Variants in TAFA3 observed in about 807,000 individuals in gnomAD.
TAFA3 encodes chemokine-like protein TAFA-3.
Under a neutral mutation model 20.7 loss-of-function variants are expected in TAFA3, and 17 were observed. The observed-to-expected ratio is 0.82, with a 90% CI of 0.56 to 1.23. TAFA3 has a LOEUF of 1.23. Ranked by LOEUF, TAFA3 falls within the 50% of genes most tolerant of loss-of-function variation. The pLI is 0.00. For synonymous variants in TAFA3, 74 were observed against 71.8 expected (o/e 1.03, Z -0.16); for missense variants, 174 against 172.8 (o/e 1.01, Z -0.04).
At chr1:112,719,961 C>T (rs929532579) in intron 1 of TAFA3, among the ~76,000 whole-genome samples, 2 of 152,134 alleles carry the variant, frequency 1.3e-5, no homozygotes, top group African/African-American at 4.8e-5. Flanking sequence ...TTCAGTTCTG[C>T]CTCCCTTTAG....
intron 3 of TAFA3, 64 bp from the exon 4 acceptor site, chr1:112,722,952 C>G: frequency 1.5e-6 from 2 of 1,312,536 alleles, no homozygotes; most frequent in Non-Finnish European, 1.0e-6. Flanking sequence ...GAGGCCAGCC[C>G]GGGTGGGCGG....
intron 3 of TAFA3, 32 bp from the exon 4 acceptor site, chr1:112,722,984 T>C (rs751109840): frequency 1.9e-6 from 3 of 1,585,974 alleles, no homozygotes; most frequent in Non-Finnish European, 2.6e-6. Flanking sequence ...GTCGGGCGTG[T>C]TGGGCGTCTG....
chr1:112,721,660 TC>T (rs796627438), intron 2 of TAFA3, among the ~76,000 whole-genome samples: 27 of 152,254 alleles, frequency 1.8e-4, no homozygotes, highest in African/African-American at 6.5e-4. Context: ...TTGCTTTTTT[TC>T]CCCCTTAACA....
At chr1:112,724,175 C>A (rs200903393) in intron 5 of TAFA3, 38 bp downstream of exon 5, 3 of 1,522,842 alleles carry the variant, frequency 2.0e-6, no homozygotes, top group Admixed American at 2.0e-5. Flanking sequence ...CCTCCCCTTC[C>A]CTCTCTACCA....
In TAFA3 at chr1:112,726,893, C is replaced by A; in HGVS notation, c.*253C>A. 3.7e-6 allele frequency: 2 copies of A among 543,798 alleles called. No individual in the cohort carries two copies. Among genetic ancestry groups the A allele is most frequent in the South Asian group, 2.5e-5 (1 of 40,222 alleles). 33.7% of individuals were successfully genotyped at this position (543,798 alleles called of 1,614,324 possible). A position where few individuals can be genotyped will look rare whatever the true frequency, so the allele number is the denominator to read the frequency against. Reference sequence around the variant, plus strand: ...CACAATTCCTGCCCTTAAGGAATGTCCAGTTGAATTGGAGAGTTGATGACA... The same window carrying A: ...CACAATTCCTGCCCTTAAGGAATGTACAGTTGAATTGGAGAGTTGATGACA... On this transcript the variant is annotated 3_prime_UTR_variant, in exon 6 of 6. Transcript: ENST00000361886.
intron 5 of TAFA3, 34 bp from the exon 6 acceptor site, chr1:112,726,595 C>T (rs776828362): frequency 1.2e-6 from 2 of 1,612,284 alleles, no homozygotes; most frequent in Non-Finnish European, 1.7e-6. Flanking sequence ...TAGGCATTCC[C>T]TTCTCTAACC....
At position 112,726,669 on chromosome 1, in the gene TAFA3, A is replaced by G. The variant is rs1675479097; in HGVS notation, c.*29A>G. ...TTGGGGGTCACGGCCTGGACAAGAA[A>G]GGCTTGACTGAGCCGTGAACTGAAG... On this transcript the variant is annotated 3_prime_UTR_variant, in exon 6 of 6. Transcript: ENST00000361886. 1 of 1,613,860 alleles carries G rather than the reference A, an allele frequency of 6.2e-7. No individual in the cohort carries two copies. The highest frequency in any genetic ancestry group is 8.5e-7 in the Non-Finnish European group (1 of 1,179,884).
At position 112,725,848 on chromosome 1, in the gene TAFA3, G is replaced by T. The variant is rs79346890; in HGVS notation, c.391-781G>T. Among the ~76,000 whole-genome samples, 1,345 of 152,214 alleles carry T rather than the reference G, an allele frequency of 8.8e-3. 25 individuals are homozygous for T. Among genetic ancestry groups the T allele is most frequent in the African/African-American group, 0.031 (1,283 of 41,524 alleles). On this transcript the variant is annotated intron_variant, in intron 5 of 5. Transcript: ENST00000361886. ...AAACAAGCAAACACATAAGAAAATA[G>T]AGAAGGAGGGCTGGGTGCGGTGGCT...
At chr1:112,722,703 A>G (rs1352818464) in intron 3 of TAFA3, among the ~76,000 whole-genome samples, 3 of 152,056 alleles carry the variant, frequency 2.0e-5, no homozygotes, top group Non-Finnish European at 4.4e-5. Context: ...CTCCCCACGC[A>G]TTGTAAGCCC....
At chr1:112,723,415 G>C (rs915098465) in intron 4 of TAFA3, among the ~76,000 whole-genome samples, 22 of 152,118 alleles carry the variant, frequency 1.4e-4, no homozygotes, top group African/African-American at 5.3e-4. Flanking sequence ...ACACACAGGA[G>C]CGTTCCCTCA....
At chr1:112,720,076 G>A (rs1438293699) in intron 1 of TAFA3, among the ~76,000 whole-genome samples, 1 of 152,154 alleles carries the variant, frequency 6.6e-6, no homozygotes, top group Non-Finnish European at 1.5e-5. Flanking sequence ...GCCCTCTGGT[G>A]TGGGAATGGG....
At chr1:112,724,667 G>A (rs1675417636) in intron 5 of TAFA3, among the ~76,000 whole-genome samples, 1 of 147,570 alleles carries the variant, frequency 6.8e-6, no homozygotes, top group Non-Finnish European at 1.5e-5. Context: ...GTAGCATTGG[G>A]AGATATACCT....
intron 2 of TAFA3, among the ~76,000 whole-genome samples, chr1:112,722,030 G>A (rs1360664528): frequency 6.6e-6 from 1 of 152,132 alleles, no homozygotes; most frequent in Non-Finnish European, 1.5e-5. Context: ...CTTAAATGTT[G>A]TCTCCTCCAA....
Position 112,723,174 on chromosome 1 carries a change from G to C in TAFA3, c.265+9G>C, listed in dbSNP as rs757474061. Reference sequence around the variant, plus strand: ...GCCCTCCTGCGTGGACGGTGAGTGAGAGGCCAGGACCCGGGCAGGGCCCTG... The same window carrying C: ...GCCCTCCTGCGTGGACGGTGAGTGACAGGCCAGGACCCGGGCAGGGCCCTG... On this transcript the variant is annotated intron_variant, in intron 4 of 5. Coordinates refer to ENST00000361886, the MANE Select transcript of TAFA3 (RefSeq NM_182759.3). The C allele has an allele frequency of 1.2e-6, 2 of 1,611,810 alleles. No homozygotes were observed. Among genetic ancestry groups the C allele is most frequent in the Non-Finnish European group, 1.7e-6 (2 of 1,179,456 alleles).
chr1:112,723,245 G>A (rs1675374439), intron 4 of TAFA3, 80 bp downstream of exon 4: 1 of 1,492,236 alleles, frequency 6.7e-7, no homozygotes, highest in Admixed American at 2.4e-5. Context: ...ATCTGCTGGG[G>A]ATACAATTTC....
At chr1:112,726,596 T>C (rs759858965) in intron 5 of TAFA3, 33 bp from the exon 6 acceptor site, 1 of 1,613,306 alleles carries the variant, frequency 6.2e-7, no homozygotes, top group Non-Finnish European at 8.5e-7. Flanking sequence ...AGGCATTCCC[T>C]TCTCTAACCT....
Position 112,723,141 on chromosome 1 carries a change from C to A in TAFA3, c.241C>A (p.Arg81=), listed in dbSNP as rs1427960536. 6.2e-7 allele frequency: 1 copy of A among 1,613,120 alleles called. No homozygotes were observed. Among genetic ancestry groups the A allele is most frequent in the Admixed American group, 1.7e-5 (1 of 59,982 alleles). ...CFSGQVAGTT[R]AKPSCVDASI... ...TTCTGGCCAGGTGGCCGGCACCACGCGGGCAAAGCCCTCCTGCGTGGACGG... is the reference window on the plus strand; with the variant it reads ...TTCTGGCCAGGTGGCCGGCACCACGAGGGCAAAGCCCTCCTGCGTGGACGG... The change falls in exon 4 of 6, where the codon CGG becomes AGG. Residue 81 remains arginine (R), a synonymous_variant. Coordinates refer to ENST00000361886, the MANE Select transcript of TAFA3 (RefSeq NM_182759.3).
chr1:112,726,371 T>G (rs1675472539), intron 5 of TAFA3, among the ~76,000 whole-genome samples: 1 of 152,152 alleles, frequency 6.6e-6, no homozygotes, highest in African/African-American at 2.4e-5. Context: ...TTTGTCACCA[T>G]GTTATAGGTT....
At chr1:112,724,811 AG>A (rs1425255745) in intron 5 of TAFA3, among the ~76,000 whole-genome samples, 21 of 103,232 alleles carry the variant, frequency 2.0e-4, no homozygotes, top group African/African-American at 7.8e-4. Flanking sequence ...AACATATTAG[AG>A]CAGCAAAAAA....
Sources: allele counts gnomAD v4.1 joint callset (sites outside exome capture counted in the v4.1 genomes callset), GRCh38; gene constraint gnomAD v4.1.1; transcripts MANE v1.5; gene names NCBI Gene and HGNC (gene_info 2026-07-23, HGNC 2026-07-21).